NOL4: variants seen among roughly 807,000 people sequenced by gnomAD.
NOL4 encodes nucleolar protein 4.
NOL4 carries 17 observed loss-of-function variants against 75.9 expected under a neutral mutation model. The ratio of observed to expected loss-of-function variants is 0.22; its 90% confidence interval spans 0.15 to 0.34. The LOEUF is 0.34. NOL4 is among the 10% of genes least tolerant of loss of function. The probability of loss-of-function intolerance (pLI) is 1.00; values close to 1 mark genes in which losing one functional copy is unlikely to be tolerated. For missense variants in NOL4, 614 were observed against 793.5 expected, an observed-to-expected ratio of 0.77 and a Z score of 2.72; for synonymous variants, 292 against 289.9, an observed-to-expected ratio of 1.01 and a Z score of -0.07.
chr18:33,968,188 G>A lies in NOL4; in HGVS notation c.1057-9770C>T, dbSNP rs564842485. ...ATGCTTACACACTGTTGATAGGAATGTAAATGAGTTCAGCCACTGTGGAAA... is the reference window on the plus strand; with the variant it reads ...ATGCTTACACACTGTTGATAGGAATATAAATGAGTTCAGCCACTGTGGAAA... On this transcript the variant is annotated intron_variant, in intron 6 of 10. Transcript: ENST00000261592. 1.4e-4 allele frequency among the ~76,000 whole-genome samples: 22 copies of A among 152,304 alleles called. No homozygotes were observed. The South Asian group carries it at 2.1e-3, about 14-fold the overall frequency.
At chr18:34,024,190 A>ATATATATAT (rs1322401512) in intron 5 of NOL4, among the ~76,000 whole-genome samples, 1 of 69,670 alleles carries the variant, frequency 1.4e-5, no homozygotes, top group Non-Finnish European at 3.3e-5. Flanking sequence ...GGAAAAAAAA[A>ATATATATAT]AAAAATATAT....
Position 33,897,885 on chromosome 18 carries a change from T to C in NOL4, c.1543-14461A>G, listed in dbSNP as rs556106058. On this transcript the variant is annotated intron_variant, in intron 9 of 10. Transcript: ENST00000261592. ...TTTGAAACCATTCCATTGTTTATAA[T>C]TGGGCTCCATTTATTTTAAAAAATC... 2.6e-5 allele frequency among the ~76,000 whole-genome samples: 4 copies of C among 152,208 alleles called. No individual in the cohort carries two copies. In the East Asian group the frequency reaches 7.7e-4, roughly 29 times the overall value.
intron 10 of NOL4, among the ~76,000 whole-genome samples, chr18:33,878,659 G>A (rs1457101385): frequency 6.6e-6 from 1 of 151,910 alleles, no homozygotes; most frequent in African/African-American, 2.4e-5. Flanking sequence ...CAAAATATAA[G>A]CTCACCCAGC....
intron 9 of NOL4, among the ~76,000 whole-genome samples, chr18:33,898,617 T>C (rs528580066): frequency 1.9e-4 from 29 of 152,250 alleles, no homozygotes; most frequent in African/African-American, 5.3e-4. Flanking sequence ...AAAATGACAA[T>C]TCTTGTCATC....
intron 5 of NOL4, among the ~76,000 whole-genome samples, chr18:34,030,418 A>C (rs903897596): frequency 2.0e-5 from 3 of 152,184 alleles, no homozygotes; most frequent in Non-Finnish European, 4.4e-5. Flanking sequence ...GCAAGGGCTC[A>C]AGAGATTCTA....
intron 5 of NOL4, among the ~76,000 whole-genome samples, chr18:34,064,173 T>C (rs916756620): frequency 1.3e-5 from 2 of 152,016 alleles, no homozygotes; most frequent in Admixed American, 6.6e-5. Flanking sequence ...GTGAGCATTA[T>C]TGAAAGATAG....
chr18:33,994,699 C>A (rs917997734), intron 6 of NOL4, among the ~76,000 whole-genome samples: 38 of 151,326 alleles, frequency 2.5e-4, no homozygotes, highest in Non-Finnish European at 8.9e-5. Context: ...ATAAAGATCT[C>A]AAATCAAAAA....
intron 9 of NOL4, among the ~76,000 whole-genome samples, chr18:33,891,523 C>T (rs1568018651): frequency 6.6e-6 from 1 of 152,116 alleles, no homozygotes; most frequent in African/African-American, 2.4e-5. Context: ...AAGGTAGCCT[C>T]AAACAGTCCC....
In NOL4 at chr18:34,019,439, G is replaced by C; in HGVS notation, c.935C>G (p.Ser312Cys). ...TCTGTATTCCGAAGTTAGCTGCGCAGAGAGGGGACTGTCACTCAGGTTCAG... is the reference window on the plus strand; with the variant it reads ...TCTGTATTCCGAAGTTAGCTGCGCACAGAGGGGACTGTCACTCAGGTTCAG... Reference protein sequence around the residue: ...QPLNLSDSPLSAQLTSEYRID... With the variant: ...QPLNLSDSPLCAQLTSEYRID... The change falls in exon 6 of 11, where the codon TCT (serine) becomes TGT (cysteine). Residue 312 changes from serine (S) to cysteine (C), a missense_variant. Coordinates refer to ENST00000261592, the MANE Select transcript of NOL4 (RefSeq NM_003787.5). 1 of 1,613,964 alleles carries C rather than the reference G, an allele frequency of 6.2e-7. No homozygotes were observed. The highest frequency in any genetic ancestry group is 8.5e-7 in the Non-Finnish European group (1 of 1,179,978).
At chr18:34,037,534 C>A (rs1288897901) in intron 5 of NOL4, among the ~76,000 whole-genome samples, 1 of 151,974 alleles carries the variant, frequency 6.6e-6, no homozygotes, top group African/African-American at 2.4e-5. Flanking sequence ...CAATAGTAAC[C>A]AATACAGCAT....
At chr18:34,049,072 GCGCACACACA>G (rs1460863431) in intron 5 of NOL4, among the ~76,000 whole-genome samples, 5,809 of 126,316 alleles carry the variant, frequency 0.046, 210 homozygotes, top group Non-Finnish European at 0.066. Flanking sequence ...ATACAGGCGC[GCGCACACACA>G]CACACACACA....
intron 8 of NOL4, among the ~76,000 whole-genome samples, chr18:33,947,233 C>T (rs1005109282): frequency 1.3e-5 from 2 of 151,714 alleles, no homozygotes; most frequent in Non-Finnish European, 3.0e-5. Flanking sequence ...TTAGTACGTG[C>T]TCTGAGAATC....
intron 9 of NOL4, among the ~76,000 whole-genome samples, chr18:33,934,066 A>G: frequency 6.6e-6 from 1 of 152,176 alleles, no homozygotes; most frequent in Non-Finnish European, 1.5e-5. Flanking sequence ...CATAAAAACA[A>G]CATTAATCTC....
chr18:34,131,200 T>C (rs1220676940), intron 1 of NOL4, among the ~76,000 whole-genome samples: 1 of 151,950 alleles, frequency 6.6e-6, no homozygotes, highest in Non-Finnish European at 1.5e-5. Flanking sequence ...AGCAAAATCA[T>C]TATGCAGTGA....
intron 1 of NOL4, among the ~76,000 whole-genome samples, chr18:34,206,708 CTTTGAG>C (rs1298307651): frequency 1.3e-5 from 2 of 151,960 alleles, no homozygotes; most frequent in Non-Finnish European, 2.9e-5. Context: ...AATCATTTTT[CTTTGAG>C]TTTATCTTGT....
At chr18:33,854,588 T>G (rs2062758996) in intron 10 of NOL4, among the ~76,000 whole-genome samples, 1 of 151,976 alleles carries the variant, frequency 6.6e-6, no homozygotes. Context: ...AAAAAGGCAT[T>G]ATAACAGGAG....
At chr18:33,978,928 G>T (rs2071722786) in intron 6 of NOL4, among the ~76,000 whole-genome samples, 1 of 151,874 alleles carries the variant, frequency 6.6e-6, no homozygotes, top group South Asian at 2.1e-4. Context: ...TCAACTACAG[G>T]GATAGAGCAA....
chr18:33,982,735 C>A (rs1323971367), intron 6 of NOL4, among the ~76,000 whole-genome samples: 5 of 140,474 alleles, frequency 3.6e-5, no homozygotes, highest in South Asian at 4.6e-4. Context: ...TATATCCAGA[C>A]AATGGGATTT....
intron 10 of NOL4, among the ~76,000 whole-genome samples, chr18:33,864,251 A>C (rs1019727837): frequency 2.0e-5 from 3 of 152,064 alleles, no homozygotes; most frequent in Non-Finnish European, 4.4e-5. Flanking sequence ...TACTTATGCA[A>C]ATTTCTGTAG....
Sources: allele counts gnomAD v4.1 joint callset (sites outside exome capture counted in the v4.1 genomes callset), GRCh38; gene constraint gnomAD v4.1.1; transcripts MANE v1.5; gene names NCBI Gene and HGNC (gene_info 2026-07-23, HGNC 2026-07-21).